NPL: variants seen among roughly 807,000 people sequenced by gnomAD.
NPL encodes the protein N-acetylneuraminate lyase.
In NPL, 32 loss-of-function variants were observed where a neutral mutation model predicts 41.1. The ratio of observed to expected loss-of-function variants is 0.78; its 90% CI spans 0.59 to 1.05. The LOEUF (loss-of-function observed/expected upper bound fraction) is 1.05. Ranked by LOEUF, NPL falls within the 50% of genes least tolerant of loss-of-function variation. The pLI is 0.00. For missense variants in NPL, 321 were observed against 378.4 expected, an observed-to-expected ratio of 0.85 and a Z score of 1.26; for synonymous variants, 128 against 134.9, an observed-to-expected ratio of 0.95 and a Z score of 0.35.
intron 11 of NPL, 69 bp downstream of exon 11, chr1:182,822,268 C>T (rs899303181): frequency 9.9e-7 from 1 of 1,012,296 alleles, no homozygotes; most frequent in Admixed American, 1.8e-5. Context: ...TCTTTTTCTT[C>T]TCTCTACCAT....
At chr1:182,813,152 C>CAA (rs60905476) in intron 6 of NPL, among the ~76,000 whole-genome samples, 2 of 56,926 alleles carry the variant, frequency 3.5e-5, no homozygotes, top group Non-Finnish European at 7.2e-5. Context: ...GACTCCATCT[C>CAA]AAAAAAAAAA....
intron 2 of NPL, 68 bp from the exon 3 acceptor site, chr1:182,794,288 C>A: frequency 1.5e-6 from 2 of 1,320,878 alleles, no homozygotes; most frequent in Non-Finnish European, 2.2e-6. Flanking sequence ...TAGAAATGGA[C>A]TTTGCCTGGG....
rs1207540608 is a variant in NPL at position 182,828,572 on chromosome 1, C to T, written c.779-152C>T. ...GGAAGAGGGATTTCGAATGATTGCT[C>T]ATCTGTCATATTGACTAGAAATGTT... On this transcript the variant is annotated intron_variant, in intron 12 of 12. Coordinates refer to ENST00000367553, the MANE Select transcript of NPL (RefSeq NM_030769.3). This position sits in a 1 kb window ranked among gnomAD's most constrained non-coding sequence, Gnocchi z 4.0. 9 of 953,238 alleles carry T rather than the reference C, an allele frequency of 9.4e-6. No homozygotes were observed. Among genetic ancestry groups the T allele is most frequent in the African/African-American group, 1.6e-5 (1 of 60,842 alleles). The allele number at this position is 953,238 out of a possible 1,614,324, so 59.0% of individuals were successfully genotyped here.
chr1:182,827,905 T>G (rs1232688907), intron 12 of NPL, among the ~76,000 whole-genome samples: 1 of 152,222 alleles, frequency 6.6e-6, no homozygotes. Context: ...GAGTTTACAT[T>G]TGCCTCTGCT....
At chr1:182,813,153 A>C (rs933512859) in intron 6 of NPL, among the ~76,000 whole-genome samples, 1 of 139,852 alleles carries the variant, frequency 7.2e-6, no homozygotes, top group Admixed American at 7.2e-5. Context: ...ACTCCATCTC[A>C]AAAAAAAAAA....
At chr1:182,820,826 G>A (rs1667469024) in intron 10 of NPL, among the ~76,000 whole-genome samples, 1 of 152,128 alleles carries the variant, frequency 6.6e-6, no homozygotes, top group Non-Finnish European at 1.5e-5. Context: ...CTCCAGCACT[G>A]GGGATTACAT....
chr1:182,826,957 C>G (rs1317424006), intron 12 of NPL: 1 of 152,122 alleles, frequency 6.6e-6, no homozygotes, highest in Non-Finnish European at 1.5e-5. Context: ...AAGAGATAAA[C>G]AGTAACTAAT....
At position 182,810,698 on chromosome 1, in the gene NPL, GT is replaced by G. The variant is rs201825423; in HGVS notation, c.231-1448del. On this transcript the variant is annotated intron_variant, in intron 5 of 12. Coordinates refer to ENST00000367553, the MANE Select transcript of NPL (RefSeq NM_030769.3). ...TTTCTCTTTTTTTCCTCCCAAACTTGTTTTTTTTTTCTTTAAGTCTCTATTC... is the reference window on the plus strand; with the variant it reads ...TTTCTCTTTTTTTCCTCCCAAACTTGTTTTTTTTTCTTTAAGTCTCTATTC... Among the ~76,000 whole-genome samples the G allele has an allele frequency of 1.1e-3, 157 of 146,000 alleles. 1 individual carries two copies. The East Asian group carries it at 0.015, about 14-fold the overall frequency.
rs1045786126 is a variant in NPL, at chr1:182,828,687, T to C, written c.779-37T>C. 6.2e-7 allele frequency: 1 copy of C among 1,613,838 alleles called. No individual in the cohort carries two copies. Among genetic ancestry groups the C allele is most frequent in the African/African-American group, 1.3e-5 (1 of 74,930 alleles). ...GGGATTTTTGTGGAGAGATAGACGGTACCAGTCATGTTTCCTCATTTGTTT... is the reference window on the plus strand; with the variant it reads ...GGGATTTTTGTGGAGAGATAGACGGCACCAGTCATGTTTCCTCATTTGTTT... On this transcript the variant is annotated intron_variant, in intron 12 of 12. Transcript: ENST00000367553. This position sits in a 1 kb window ranked among gnomAD's most constrained non-coding sequence, Gnocchi z 4.0.
rs775203029 is a variant in NPL, at chr1:182,806,183, T to C, written c.181T>C (p.Ser61Pro). Residue 61 changes from serine (S) to proline (P), a missense_variant, in exon 5 of 13, where the codon TCA becomes CCA. Ser to Pro is a moderately conservative substitution (Grantham distance 74). Transcript: ENST00000367553. Reference protein sequence around the residue: ...TTGEGLSLSVSERRQVAEEWV... With the variant: ...TTGEGLSLSVPERRQVAEEWV... The stretch of plus-strand genomic sequence containing the variant: ...AGGAGAAGGCCTGTCCCTGAGCGTC[T>C]CAGAGCGTCGCCAGGTTGCAGAGGA... The C allele has an allele frequency of 1.5e-5, 25 of 1,614,084 alleles. No homozygotes were observed. The African/African-American group carries it at 3.2e-4, about 21-fold the overall frequency.
intron 3 of NPL, among the ~76,000 whole-genome samples, chr1:182,800,850 C>T (rs886254587): frequency 6.6e-6 from 1 of 151,616 alleles, no homozygotes; most frequent in African/African-American, 2.4e-5. Context: ...CCTCAGCATC[C>T]CTATTACAGG....
chr1:182,829,126 A>G lies in NPL; in HGVS notation c.*218A>G. ...CAACTCTCAGTCATTCATTTCACAG[A>G]TTTTTTTGTGGAGAAATTTCTGTTT... On this transcript the variant is annotated 3_prime_UTR_variant, in exon 13 of 13. Coordinates refer to ENST00000367553, the MANE Select transcript of NPL (RefSeq NM_030769.3). 1 of 1,379,144 alleles carries G rather than the reference A, an allele frequency of 7.3e-7. No homozygotes were observed. Among genetic ancestry groups the G allele is most frequent in the Non-Finnish European group, 9.3e-7 (1 of 1,071,116 alleles). The allele number at this position is 1,379,144 out of a possible 1,614,324, so 85.4% of individuals were successfully genotyped here.
At chr1:182,808,909 A>G (rs981082860) in intron 5 of NPL, among the ~76,000 whole-genome samples, 1 of 151,422 alleles carries the variant, frequency 6.6e-6, no homozygotes, top group African/African-American at 2.4e-5. Context: ...GCAGTGAGCC[A>G]AAATCACACT....
chr1:182,809,232 G>A (rs971040), intron 5 of NPL: 452,021 of 452,788 alleles, frequency 1, 225,635 homozygotes, highest in East Asian at 1. Flanking sequence ...CAAAGTAGAC[G>A]GAGTAGCTTT....
rs796360043 is a variant in NPL at position 182,789,790 on chromosome 1, A to C, written c.-87A>C. ...TGCCGGGCGGAGCGGCTGCACGGACAAGAGCGGAGGCCTGGGTGAGCGCGG... is the reference window on the plus strand; with the variant it reads ...TGCCGGGCGGAGCGGCTGCACGGACCAGAGCGGAGGCCTGGGTGAGCGCGG... On this transcript the variant is annotated 5_prime_UTR_variant, in exon 1 of 13. Transcript: ENST00000367553. The C allele has an allele frequency of 1.3e-4, 20 of 153,300 alleles. No homozygotes were observed. The highest frequency in any genetic ancestry group is 4.1e-4 in the African/African-American group (17 of 41,590). 9.5% of individuals were successfully genotyped at this position (153,300 alleles called of 1,614,324 possible).
At chr1:182,790,611 CTT>C (rs758959076) in intron 1 of NPL, among the ~76,000 whole-genome samples, 86 of 133,490 alleles carry the variant, frequency 6.4e-4, no homozygotes, top group Middle Eastern at 3.8e-3. Flanking sequence ...CTGTTAAAGT[CTT>C]TTGTTGTTGT....
At position 182,829,875 on chromosome 1, in the gene NPL, G is replaced by A; in HGVS notation, c.*967G>A. The A allele has an allele frequency of 2.0e-6, 1 of 509,164 alleles. No individual in the cohort carries two copies. Among genetic ancestry groups the A allele is most frequent in the Non-Finnish European group, 3.5e-6 (1 of 281,966 alleles). The allele number at this position is 509,164 out of a possible 1,614,324, so 31.5% of individuals were successfully genotyped here. A position where few individuals can be genotyped will look rare whatever the true frequency, so the allele number is the denominator to read the frequency against. ...TACCTCCTTTTACTCTTTTCTTTCT[G>A]TGTAATGTATCAACAACTGTTTAAT... is the stretch of plus-strand genomic sequence containing the variant. On this transcript the variant is annotated 3_prime_UTR_variant, in exon 13 of 13. Transcript: ENST00000367553.
intron 7 of NPL, among the ~76,000 whole-genome samples, chr1:182,816,243 T>C (rs1440528961): frequency 6.6e-6 from 1 of 152,262 alleles, no homozygotes; most frequent in Admixed American, 6.5e-5. Flanking sequence ...GCTGGAATTC[T>C]TGCAAAATGT....
chr1:182,804,948 G>C (rs188773429), intron 4 of NPL, among the ~76,000 whole-genome samples: 12 of 152,326 alleles, frequency 7.9e-5, no homozygotes, highest in African/African-American at 2.6e-4. Context: ...CCTATGACCA[G>C]AGTATACTTG....
Sources: allele counts gnomAD v4.1 joint callset (sites outside exome capture counted in the v4.1 genomes callset), GRCh38; gene constraint gnomAD v4.1.1; non-coding constraint Gnocchi (gnomAD v3.1); transcripts MANE v1.5; gene names NCBI Gene and HGNC (gene_info 2026-07-23, HGNC 2026-07-21).